LRMDA: variants seen among roughly 807,000 people sequenced by gnomAD.
LRMDA encodes leucine rich melanocyte differentiation associated.
In LRMDA, 18 loss-of-function variants were observed where a neutral mutation model predicts 29.8. The ratio of observed to expected loss-of-function variants is 0.60; its 90% confidence interval spans 0.42 to 0.90. The LOEUF (loss-of-function observed/expected upper bound fraction) is 0.90, where lower values mean the gene tolerates loss of function less well. LRMDA is among the 40% of genes least tolerant of loss of function. The pLI is 0.00. For missense variants in LRMDA, 273 were observed against 273.9 expected, an observed-to-expected ratio of 1.00 and a Z score of 0.02; for synonymous variants, 125 against 109.4, an observed-to-expected ratio of 1.14 and a Z score of -0.89.
chr10:76,459,896 A>C (rs1842494781), intron 6 of LRMDA, among the ~76,000 whole-genome samples: 1 of 152,166 alleles, frequency 6.6e-6, no homozygotes, highest in Non-Finnish European at 1.5e-5. Flanking sequence ...CACTCAGAAC[A>C]ATGAGAAATT....
At chr10:75,706,042 G>A (rs1302233333) in intron 2 of LRMDA, among the ~76,000 whole-genome samples, 1 of 152,118 alleles carries the variant, frequency 6.6e-6, no homozygotes. Flanking sequence ...CGCTGTATAG[G>A]TAAAATGACA....
At chr10:75,646,143 G>A (rs542356660) in intron 2 of LRMDA, among the ~76,000 whole-genome samples, 1 of 150,866 alleles carries the variant, frequency 6.6e-6, no homozygotes, top group East Asian at 2.0e-4. Context: ...TTTAAAATCT[G>A]TTTTTCTGTT....
chr10:75,719,649 G>A (rs1262471483), intron 2 of LRMDA, among the ~76,000 whole-genome samples: 2 of 152,220 alleles, frequency 1.3e-5, no homozygotes, highest in African/African-American at 4.8e-5. Context: ...GTTTCTGGAT[G>A]TTGAGGGAGA....
At position 76,062,656 on chromosome 10, in the gene LRMDA, CTGTGTGTGTG is replaced by C. The variant is rs376071517; in HGVS notation, c.516+3905_516+3914del. On this transcript the variant is annotated intron_variant, in intron 5 of 6. Coordinates refer to ENST00000611255, the MANE Select transcript of LRMDA (RefSeq NM_001305581.2). ...ATGGATGCTTCCAGACTTTATCTCT[CTGTGTGTGTG>C]TGTGTGTGTGTGTGTGTGTGTGTGT... Among the ~76,000 whole-genome samples the C allele has an allele frequency of 7.2e-5, 10 of 139,282 alleles. No individual in the cohort carries two copies. The South Asian group carries it at 9.4e-4, about 13-fold the overall frequency. 91.4% of individuals were successfully genotyped at this position (139,282 alleles called of 152,430 possible).
At chr10:75,614,067 T>C (rs1329982031) in intron 2 of LRMDA, among the ~76,000 whole-genome samples, 2 of 152,150 alleles carry the variant, frequency 1.3e-5, no homozygotes, top group Non-Finnish European at 2.9e-5. Flanking sequence ...AGCCTGCACA[T>C]TTTCTCCTGG....
intron 6 of LRMDA, among the ~76,000 whole-genome samples, chr10:76,533,881 A>G (rs186085690): frequency 2.0e-5 from 3 of 152,326 alleles, no homozygotes; most frequent in African/African-American, 2.4e-5. Context: ...AATCCTTAAC[A>G]TATTTACTGG....
intron 2 of LRMDA, among the ~76,000 whole-genome samples, chr10:75,477,841 A>C (rs890109639): frequency 9.2e-5 from 14 of 152,238 alleles, no homozygotes; most frequent in African/African-American, 3.1e-4. Context: ...GCTCATTTGC[A>C]AGAATTATGG....
At chr10:75,830,577 T>G (rs912244503) in intron 2 of LRMDA, among the ~76,000 whole-genome samples, 1 of 151,124 alleles carries the variant, frequency 6.6e-6, no homozygotes, top group African/African-American at 2.5e-5. Context: ...CTTCTGTCTT[T>G]AAAACCATCA....
intron 5 of LRMDA, among the ~76,000 whole-genome samples, chr10:76,250,780 C>T (rs1161523776): frequency 6.6e-6 from 1 of 152,102 alleles, no homozygotes; most frequent in Non-Finnish European, 1.5e-5. Flanking sequence ...CTAACTGGAG[C>T]CCTCCAAGGT....
At chr10:75,934,652 G>A (rs1846257609) in intron 2 of LRMDA, among the ~76,000 whole-genome samples, 1 of 152,084 alleles carries the variant, frequency 6.6e-6, no homozygotes, top group Non-Finnish European at 1.5e-5. Flanking sequence ...TTTGGTGCAG[G>A]GGTCTAGGTA....
intron 2 of LRMDA, among the ~76,000 whole-genome samples, chr10:75,457,162 C>T (rs768343970): frequency 6.6e-6 from 1 of 152,206 alleles, no homozygotes; most frequent in Non-Finnish European, 1.5e-5. Context: ...TTCCCAAGGG[C>T]ATGCAGCTGG....
intron 2 of LRMDA, among the ~76,000 whole-genome samples, chr10:75,888,048 A>G (rs1162781167): frequency 6.6e-6 from 1 of 152,192 alleles, no homozygotes; most frequent in African/African-American, 2.4e-5. Flanking sequence ...AAAAACATCT[A>G]ACCATCTGCT....
intron 3 of LRMDA, among the ~76,000 whole-genome samples, chr10:76,045,729 T>C (rs1054581103): frequency 2.0e-5 from 3 of 152,072 alleles, no homozygotes; most frequent in African/African-American, 7.2e-5. Context: ...AGCAGTTAAA[T>C]TGGGTCACTG....
intron 2 of LRMDA, among the ~76,000 whole-genome samples, chr10:75,577,645 C>T (rs1840524464): frequency 6.6e-6 from 1 of 152,174 alleles, no homozygotes; most frequent in African/African-American, 2.4e-5. Flanking sequence ...AGAGAAAGGT[C>T]GGGTTACCCA....
At chr10:76,358,543 T>C (rs1841270224) in intron 6 of LRMDA, among the ~76,000 whole-genome samples, 1 of 152,138 alleles carries the variant, frequency 6.6e-6, no homozygotes, top group Non-Finnish European at 1.5e-5. Context: ...ATGGGCCTCC[T>C]AGCTTCCCTG....
At chr10:76,176,445 AC>A (rs1444330660) in intron 5 of LRMDA, among the ~76,000 whole-genome samples, 1 of 152,222 alleles carries the variant, frequency 6.6e-6, no homozygotes, top group Non-Finnish European at 1.5e-5. Flanking sequence ...ACTGGCACAC[AC>A]CAGAGTACAT....
intron 5 of LRMDA, among the ~76,000 whole-genome samples, chr10:76,078,015 TTTTTTTTTTTTTTG>T (rs1848988024): frequency 1.6e-5 from 2 of 122,524 alleles, no homozygotes; most frequent in East Asian, 2.5e-4. Context: ...TTTTTTTTTT[TTTTTTTTTTTTTTG>T]AGATGGAGTC....
chr10:76,057,184 A>G (rs575053814), intron 4 of LRMDA, among the ~76,000 whole-genome samples: 2 of 152,106 alleles, frequency 1.3e-5, no homozygotes, highest in Non-Finnish European at 2.9e-5. Flanking sequence ...CAGTCAGTAG[A>G]CCTCTTGCTC....
chr10:76,350,766 G>A (rs548819351), intron 6 of LRMDA, among the ~76,000 whole-genome samples: 4 of 152,144 alleles, frequency 2.6e-5, no homozygotes, highest in Admixed American at 6.5e-5. Context: ...TGGTTTTGCG[G>A]TGTGGAAGCT....
Sources: allele counts gnomAD v4.1 joint callset (sites outside exome capture counted in the v4.1 genomes callset), GRCh38; gene constraint gnomAD v4.1.1; transcripts MANE v1.5; gene names NCBI Gene and HGNC (gene_info 2026-07-23, HGNC 2026-07-21).